The following SLC4A4 variants were observed in gnomAD, a reference collection of about 807,000 sequenced individuals.
SLC4A4 encodes the protein electrogenic sodium bicarbonate cotransporter 1.
Under a neutral mutation model 111.5 loss-of-function variants are expected in SLC4A4, and 27 were observed. The observed-to-expected ratio is 0.24, with a 90% CI of 0.18 to 0.33. The LOEUF is 0.33. Among genes scored for constraint, SLC4A4 ranks in the 10% least tolerant of loss-of-function variants. The pLI is 1.00. For missense variants in SLC4A4, 909 were observed against 1,315.5 expected, an observed-to-expected ratio of 0.69 and a Z score of 4.78; for synonymous variants, 443 against 463.4, an observed-to-expected ratio of 0.96 and a Z score of 0.57.
At chr4:71,493,935 A>C (rs1730171627) in intron 15 of SLC4A4, among the ~76,000 whole-genome samples, 1 of 151,972 alleles carries the variant, frequency 6.6e-6, no homozygotes, top group Admixed American at 6.6e-5. Flanking sequence ...AGCTCATTGT[A>C]CTTTTTTTAC....
chr4:71,127,076 T>C (rs758014123), intron 2 of SLC4A4, among the ~76,000 whole-genome samples: 2 of 152,240 alleles, frequency 1.3e-5, no homozygotes, highest in Non-Finnish European at 2.9e-5. Context: ...CTTCCTCTTA[T>C]TCAGACCCCA....
chr4:71,516,971 T>C (rs1297565853), intron 16 of SLC4A4, among the ~76,000 whole-genome samples: 1 of 152,204 alleles, frequency 6.6e-6, no homozygotes, highest in Non-Finnish European at 1.5e-5. Context: ...ACTGCTAGTA[T>C]TGTTGGAACT....
intron 7 of SLC4A4, among the ~76,000 whole-genome samples, chr4:71,435,713 G>GA (rs1227530281): frequency 1.3e-5 from 2 of 151,852 alleles, no homozygotes; most frequent in South Asian, 2.1e-4. Flanking sequence ...AAATTTACAA[G>GA]AAAAAAACAA....
At chr4:71,306,300 A>C (rs1368669865) in intron 3 of SLC4A4, among the ~76,000 whole-genome samples, 10 of 151,512 alleles carry the variant, frequency 6.6e-5, no homozygotes, top group Non-Finnish European at 1.3e-4. Context: ...ATGGGATAAT[A>C]GGCTGGGCGC....
intron 3 of SLC4A4, among the ~76,000 whole-genome samples, chr4:71,305,018 A>T (rs1169500622): frequency 2.0e-5 from 3 of 152,228 alleles, no homozygotes; most frequent in Non-Finnish European, 1.5e-5. Flanking sequence ...ATCTTATTTG[A>T]TGGGAATATC....
chr4:71,440,047 G>A (rs963607054), intron 7 of SLC4A4, among the ~76,000 whole-genome samples: 1 of 151,886 alleles, frequency 6.6e-6, no homozygotes, highest in Non-Finnish European at 1.5e-5. Flanking sequence ...GGCCTAGAAT[G>A]TTCTTTCCTC....
rs767005512 is a variant in SLC4A4, at chr4:71,567,790, C to T, written c.*39C>T. 2.1e-6 allele frequency: 3 copies of T among 1,461,482 alleles called. No homozygotes were observed. The highest frequency in any genetic ancestry group is 2.8e-6 in the Non-Finnish European group (3 of 1,083,508). The allele number at this position is 1,461,482 out of a possible 1,614,324, so 90.5% of individuals were successfully genotyped here. ...TTTTTTTTTTCCTTTTTCTCTAGTC[C>T]TCCTAGAACTCCAGTAAAAGTTGTG... On this transcript the variant is annotated splice_region_variant and 3_prime_UTR_variant, in exon 26 of 26. Transcript: ENST00000264485.
At chr4:71,270,060 AAGG>A (rs1722593581) in intron 3 of SLC4A4, among the ~76,000 whole-genome samples, 1 of 152,176 alleles carries the variant, frequency 6.6e-6, no homozygotes, top group Non-Finnish European at 1.5e-5. Flanking sequence ...ACACATTAGC[AAGG>A]AGAAGAGCTG....
Position 71,450,496 on chromosome 4 carries a change from A to T in SLC4A4, c.1161A>T (p.Pro387=), listed in dbSNP as rs755272609. The change falls in exon 10 of 26, where the codon CCA becomes CCT. Residue 387 remains proline (P), a synonymous_variant. Coordinates refer to ENST00000264485, the MANE Select transcript of SLC4A4 (RefSeq NM_001098484.3). ...TCCTTCCACCTGGGGAATGGGATCC[A>T]GCAATTAGGATAGAGCCTCCTAAGA... ...VIVLPPGEWD[P]AIRIEPPKSL... 3.1e-6 allele frequency: 5 copies of T among 1,613,890 alleles called. No individual in the cohort carries two copies. The South Asian group carries it at 5.5e-5, about 18-fold the overall frequency.
intron 3 of SLC4A4, among the ~76,000 whole-genome samples, chr4:71,308,573 G>A (rs1278455254): frequency 6.6e-6 from 1 of 152,156 alleles, no homozygotes; most frequent in African/African-American, 2.4e-5. Context: ...CCCATGGAGG[G>A]TGAGCAGAAG....
intron 1 of SLC4A4, among the ~76,000 whole-genome samples, chr4:71,079,394 T>G (rs1741930250): frequency 6.6e-6 from 1 of 152,208 alleles, no homozygotes; most frequent in African/African-American, 2.4e-5. Context: ...TTAGGCCTGC[T>G]GTTTCATTCA....
In SLC4A4 at chr4:71,351,258, C is replaced by G. The variant is rs57393322; in HGVS notation, c.550+1186C>G. ...TGTCTTGCTGGATCCCTGTCCCACC[C>G]AGCCTTTCTTCACATGCAGCTAAAG... On this transcript the variant is annotated intron_variant, in intron 5 of 25. Transcript: ENST00000264485. Among the ~76,000 whole-genome samples, 1,206 of 152,334 alleles carry G rather than the reference C, an allele frequency of 7.9e-3. 17 individuals are homozygous for G. The highest frequency in any genetic ancestry group is 0.026 in the African/African-American group (1,068 of 41,582).
chr4:71,288,296 A>G (rs1228086677), intron 3 of SLC4A4, among the ~76,000 whole-genome samples: 1 of 152,162 alleles, frequency 6.6e-6, no homozygotes, highest in African/African-American at 2.4e-5. Flanking sequence ...TTTCTTTCAG[A>G]GAGATTCCCT....
At chr4:71,228,221 T>C (rs1192804218) in intron 1 of SLC4A4, among the ~76,000 whole-genome samples, 1 of 152,180 alleles carries the variant, frequency 6.6e-6, no homozygotes, top group African/African-American at 2.4e-5. Context: ...CTGAGCCTGC[T>C]CCAGCCTTTC....
At chr4:71,421,597 C>T (rs993141530) in intron 7 of SLC4A4, among the ~76,000 whole-genome samples, 53 of 152,280 alleles carry the variant, frequency 3.5e-4, no homozygotes, top group African/African-American at 1.2e-3. Flanking sequence ...TAAAGCTCTC[C>T]TCAGCAAATG....
intron 2 of SLC4A4, among the ~76,000 whole-genome samples, chr4:71,135,928 G>A (rs1389625591): frequency 3.9e-5 from 6 of 152,144 alleles, no homozygotes; most frequent in Non-Finnish European, 2.9e-5. Flanking sequence ...CTGAAAGAAC[G>A]CAGTATTTTG....
intron 3 of SLC4A4, among the ~76,000 whole-genome samples, chr4:71,271,129 G>A (rs1209565028): frequency 6.6e-6 from 1 of 152,042 alleles, no homozygotes; most frequent in African/African-American, 2.4e-5. Context: ...ACCTTCACTT[G>A]TTTAAATGTT....
At chr4:71,296,873 C>G (rs1220287805) in intron 3 of SLC4A4, among the ~76,000 whole-genome samples, 1 of 152,148 alleles carries the variant, frequency 6.6e-6, no homozygotes, top group Non-Finnish European at 1.5e-5. Flanking sequence ...AAGGGCAGAA[C>G]ATAAGAAATT....
chr4:71,498,393 C>T (rs1329959618), intron 16 of SLC4A4, among the ~76,000 whole-genome samples: 2 of 152,118 alleles, frequency 1.3e-5, no homozygotes, highest in East Asian at 1.9e-4. Context: ...TAATCCTTTG[C>T]TTTACAGTTC....
Sources: allele counts gnomAD v4.1 joint callset (sites outside exome capture counted in the v4.1 genomes callset), GRCh38; gene constraint gnomAD v4.1.1; transcripts MANE v1.5; gene names NCBI Gene and HGNC (gene_info 2026-07-23, HGNC 2026-07-21).